Variants in ACOX3 observed in about 807,000 individuals in gnomAD.
ACOX3 encodes the protein peroxisomal acyl-coenzyme A oxidase 3.
ACOX3 carries 73 observed loss-of-function variants against 81.5 expected under a neutral mutation model. That is an observed-to-expected ratio of 0.90 (90% CI 0.74 to 1.09). The LOEUF is 1.09. Ranked by LOEUF, ACOX3 falls within the 50% of genes least tolerant of loss-of-function variation. The pLI, the probability that ACOX3 is intolerant of heterozygous loss-of-function variation, is 0.00. For synonymous variants in ACOX3, 387 were observed against 375.1 expected, an observed-to-expected ratio of 1.03 and a Z score of -0.37; for missense variants, 947 against 928.0, an observed-to-expected ratio of 1.02 and a Z score of -0.27.
chr4:8,424,547 T>C (rs1723261220), intron 1 of ACOX3, among the ~76,000 whole-genome samples: 1 of 152,180 alleles, frequency 6.6e-6, no homozygotes, highest in Non-Finnish European at 1.5e-5. Context: ...GCAGTTAAAA[T>C]GATACAGGGA....
At chr4:8,378,501 G>A (rs923476752) in intron 14 of ACOX3, among the ~76,000 whole-genome samples, 1 of 152,108 alleles carries the variant, frequency 6.6e-6, no homozygotes, top group Admixed American at 6.6e-5. Flanking sequence ...GCAGGCTGCG[G>A]GGACGCCACC....
At chr4:8,435,609 G>C (rs1051721500) in intron 1 of ACOX3, among the ~76,000 whole-genome samples, 4 of 152,318 alleles carry the variant, frequency 2.6e-5, no homozygotes, top group Admixed American at 2.6e-4. Context: ...AGGGGTTGGA[G>C]GACAGCCAGT....
chr4:8,371,611 T>G (rs1051768433), intron 16 of ACOX3, among the ~76,000 whole-genome samples: 4 of 152,378 alleles, frequency 2.6e-5, no homozygotes, highest in African/African-American at 7.2e-5. Context: ...GAGACACCGC[T>G]AATGATATGG....
At chr4:8,436,661 AAG>A (rs1467113066) in intron 1 of ACOX3, among the ~76,000 whole-genome samples, 1 of 152,170 alleles carries the variant, frequency 6.6e-6, no homozygotes, top group African/African-American at 2.4e-5. Context: ...TCAGTTTTAT[AAG>A]AGACTCTGTA....
chr4:8,359,924 C>G, the ACOX3 span, among the ~76,000 whole-genome samples: 36,657 of 152,194 alleles, frequency 0.24, 4,866 homozygotes, highest in African/African-American at 0.36. The surrounding 1 kb of genome is among the most constrained non-coding windows in gnomAD (Gnocchi z 6.0). Flanking sequence ...GGTGTGCTTT[C>G]TGTGTCTTTC....
rs147407499 is a variant in ACOX3 at position 8,415,961 on chromosome 4, G to T, written c.183C>A (p.Phe61Leu). Residue 61 changes from phenylalanine to leucine, a missense_variant, in exon 3 of 18, where the codon TTC (phenylalanine) becomes TTA (leucine). Physicochemically the swap from Phe to Leu is conservative, Grantham distance 22. Coordinates refer to ENST00000356406, the MANE Select transcript of ACOX3 (RefSeq NM_003501.3). ...IFSALENDPL[F>L]ARSPGADLSL... Reference sequence around the variant, plus strand: ...ACAGATCGGCTCCAGGGGAACGAGCGAAAAGAGGGTCATTCTCAAGAGCTG... The same window carrying T: ...ACAGATCGGCTCCAGGGGAACGAGCTAAAAGAGGGTCATTCTCAAGAGCTG... 6.2e-7 allele frequency: 1 copy of T among 1,614,218 alleles called. No individual in the cohort carries two copies. Among genetic ancestry groups the T allele is most frequent in the Non-Finnish European group, 8.5e-7 (1 of 1,180,050 alleles).
At chr4:8,408,336 C>A (rs554842270) in intron 6 of ACOX3, among the ~76,000 whole-genome samples, 1 of 152,014 alleles carries the variant, frequency 6.6e-6, no homozygotes, top group Non-Finnish European at 1.5e-5. Flanking sequence ...AGGTCTGGGG[C>A]GCAGATCACA....
At chr4:8,397,142 A>G in intron 8 of ACOX3, 23 bp from the exon 9 acceptor site, 4 of 1,530,522 alleles carry the variant, frequency 2.6e-6, no homozygotes, top group Non-Finnish European at 3.5e-6. Flanking sequence ...CACAGATGAT[A>G]AGCTCAAGCC....
chr4:8,360,882 T>C, the ACOX3 span, among the ~76,000 whole-genome samples: 1 of 152,310 alleles, frequency 6.6e-6, no homozygotes, highest in South Asian at 2.1e-4. Context: ...AGCCCCCTTA[T>C]CTGCACTTCT....
chr4:8,387,166 C>A (rs1370340085), intron 13 of ACOX3, among the ~76,000 whole-genome samples: 1 of 152,256 alleles, frequency 6.6e-6, no homozygotes, highest in Non-Finnish European at 1.5e-5. Flanking sequence ...GAGCTGAGCA[C>A]TGATGTGGCG....
At chr4:8,357,416 T>C in the ACOX3 span, 3 of 357,082 alleles carry the variant, frequency 8.4e-6, no homozygotes, top group South Asian at 6.3e-5. Flanking sequence ...CAAAAGTAAA[T>C]CAATTAAATT....
chr4:8,405,959 T>C lies in ACOX3; in HGVS notation c.772A>G (p.Asn258Asp), dbSNP rs1235456581. The C allele has an allele frequency of 1.2e-6, 2 of 1,614,048 alleles. No individual in the cohort carries two copies. The highest frequency in any genetic ancestry group is 2.2e-5 in the South Asian group (2 of 91,084). The part of the protein sequence containing the change: ...GKKLGQNGLD[N>D]GFAMFHKVRV... Reference sequence around the variant, plus strand: ...TCAGCAGCCTCTGTCACTCACCCATTATCCAGACCGTTCTGCCCGAGTTTT... The same window carrying C: ...TCAGCAGCCTCTGTCACTCACCCATCATCCAGACCGTTCTGCCCGAGTTTT... Residue 258 changes from asparagine (N) to aspartate (D), a missense_variant, in exon 7 of 18, where the codon AAT (asparagine) becomes GAT (aspartate). Physicochemically the swap from Asn to Asp is conservative, Grantham distance 23. Coordinates refer to ENST00000356406, the MANE Select transcript of ACOX3 (RefSeq NM_003501.3). This position sits in a 1 kb window ranked among gnomAD's most constrained non-coding sequence, Gnocchi z 7.1.
intron 1 of ACOX3, among the ~76,000 whole-genome samples, chr4:8,429,441 A>C (rs1034467278): frequency 6.6e-6 from 1 of 152,256 alleles, no homozygotes. Flanking sequence ...GGGCTTTAAG[A>C]CTATTACAAG....
At chr4:8,401,619 G>A (rs1578932141) in intron 7 of ACOX3, among the ~76,000 whole-genome samples, 2 of 152,332 alleles carry the variant, frequency 1.3e-5, no homozygotes, top group South Asian at 4.1e-4. Context: ...GTTTCCCAAA[G>A]GCCTTCGGAA....
At position 8,394,845 on chromosome 4, in the gene ACOX3, A is replaced by C. The variant is rs1449201401; in HGVS notation, c.1057-103T>G. Reference sequence around the variant, plus strand: ...AGTGCAGGGAGAGGCCGTCAGGGCCACACACCCACTAGCGCTGAAGGTCTT... The same window carrying C: ...AGTGCAGGGAGAGGCCGTCAGGGCCCCACACCCACTAGCGCTGAAGGTCTT... On this transcript the variant is annotated intron_variant, in intron 9 of 17. Transcript: ENST00000356406. This position sits in a 1 kb window ranked among gnomAD's most constrained non-coding sequence, Gnocchi z 5.9. 68 of 1,443,820 alleles carry C rather than the reference A, an allele frequency of 4.7e-5. No homozygotes were observed. Among genetic ancestry groups the C allele is most frequent in the Non-Finnish European group, 6.0e-5 (65 of 1,078,254 alleles). 89.4% of individuals were successfully genotyped at this position (1,443,820 alleles called of 1,614,324 possible).
chr4:8,421,414 G>C (rs1722930837), intron 1 of ACOX3, among the ~76,000 whole-genome samples: 1 of 152,250 alleles, frequency 6.6e-6, no homozygotes, highest in African/African-American at 2.4e-5. Flanking sequence ...ACTAGAGGCA[G>C]AAAGCTGTCG....
At position 8,400,285 on chromosome 4, in the gene ACOX3, A is replaced by ATAAT; in HGVS notation, c.777-634_777-633insATTA. On this transcript the variant is annotated intron_variant, in intron 7 of 17. Coordinates refer to ENST00000356406, the MANE Select transcript of ACOX3 (RefSeq NM_003501.3). The surrounding 1 kb of genome is among the most constrained non-coding windows in gnomAD (Gnocchi z 4.4). ...AATAATAATAATAATAATAATAATA[A>ATAAT]AAGCATTGTGTATATGGTAAGTTGT... is the stretch of plus-strand genomic sequence containing the variant. 6.8e-6 allele frequency among the ~76,000 whole-genome samples: 1 copy of ATAAT among 147,010 alleles called. No individual in the cohort carries two copies.
chr4:8,374,016 A>G (rs1410873481), intron 15 of ACOX3: 3 of 171,416 alleles, frequency 1.8e-5, no homozygotes, highest in South Asian at 9.1e-5. Flanking sequence ...CAGGGGGCGC[A>G]GGGGCGAGGG....
intron 14 of ACOX3, among the ~76,000 whole-genome samples, chr4:8,379,084 G>A (rs963898388): frequency 2.0e-4 from 31 of 152,196 alleles, no homozygotes; most frequent in African/African-American, 3.1e-4. Flanking sequence ...GACATGTTAC[G>A]TGGGCTTCCA....
Sources: gnomAD v4.1 joint callset for allele counts (sites outside exome capture counted in the v4.1 genomes callset) on GRCh38, gnomAD v4.1.1 for gene constraint, Gnocchi (gnomAD v3.1) non-coding constraint, MANE v1.5 for transcripts, NCBI Gene and HGNC (gene_info 2026-07-23, HGNC 2026-07-21) for gene names.